Variants in TLN2 observed in about 807,000 individuals in gnomAD.
TLN2 encodes the protein talin 2, also known as talin-2.
TLN2 carries 118 observed loss-of-function variants against 294.7 expected under a neutral mutation model. That is an observed-to-expected ratio of 0.40 (90% CI 0.34 to 0.47). The LOEUF is 0.47. Ranked by LOEUF, TLN2 falls within the 20% of genes least tolerant of loss-of-function variation. The pLI is 0.84. For synonymous variants in TLN2, 1,431 were observed against 1,304.5 expected, an observed-to-expected ratio of 1.10 and a Z score of -2.09; for missense variants, 3,083 against 3,282.2, an observed-to-expected ratio of 0.94 and a Z score of 1.48.
chr15:62,647,122 T>A (rs1386608028), intron 3 of TLN2, among the ~76,000 whole-genome samples, 153 bp from the exon 4 acceptor site: 1 of 152,224 alleles, frequency 6.6e-6, no homozygotes, highest in Non-Finnish European at 1.5e-5. Context: ...ATTTGTAAAA[T>A]TTGTTTTGTA....
At chr15:62,515,492 A>G (rs1417995321) in intron 1 of TLN2, among the ~76,000 whole-genome samples, 1 of 152,232 alleles carries the variant, frequency 6.6e-6, no homozygotes, top group Non-Finnish European at 1.5e-5. Context: ...TTTCTTTGAA[A>G]TATAACTATA....
chr15:62,461,886 G>A (rs1250404307), intron 1 of TLN2, among the ~76,000 whole-genome samples: 6 of 152,192 alleles, frequency 3.9e-5, no homozygotes, highest in Non-Finnish European at 8.8e-5. Flanking sequence ...GGAAGTCATG[G>A]CCTGGGACAT....
chr15:62,661,151 T>A (rs911717177), intron 9 of TLN2, among the ~76,000 whole-genome samples: 9 of 152,202 alleles, frequency 5.9e-5, no homozygotes, highest in Non-Finnish European at 1.3e-4. Flanking sequence ...TAAGAAGTGG[T>A]CAGAGTAAAA....
intron 21 of TLN2, among the ~76,000 whole-genome samples, 174 bp downstream of exon 21, chr15:62,708,970 A>G (rs2059249282): frequency 6.6e-6 from 1 of 152,248 alleles, no homozygotes; most frequent in Non-Finnish European, 1.5e-5. Flanking sequence ...TTCCATAGTC[A>G]TGCTTACAGA....
At chr15:62,463,214 A>G (rs1243111617) in intron 1 of TLN2, among the ~76,000 whole-genome samples, 1 of 152,184 alleles carries the variant, frequency 6.6e-6, no homozygotes, top group African/African-American at 2.4e-5. Context: ...CTTACAGAGC[A>G]AGGCTACAGC....
chr15:62,663,202 A>AT (rs751662626), intron 9 of TLN2, among the ~76,000 whole-genome samples: 2 of 151,972 alleles, frequency 1.3e-5, no homozygotes, highest in African/African-American at 4.8e-5. Flanking sequence ...ACCATGTGCG[A>AT]TTTTTTTTAA....
chr15:62,676,600 A>T (rs2056221419), intron 11 of TLN2, among the ~76,000 whole-genome samples: 1 of 152,154 alleles, frequency 6.6e-6, no homozygotes, highest in African/African-American at 2.4e-5. Flanking sequence ...ACCCAAGGGT[A>T]AAACTACTAC....
rs1330937841 is a variant in TLN2, at chr15:62,840,955, C to T, written c.*345C>T. ...GCTTTTGTTGGTCCTTCTCTTAGGC[C>T]TGCTCCTGGACCTCTTTATGATATT... On this transcript the variant is annotated 3_prime_UTR_variant, in exon 59 of 59. Coordinates refer to ENST00000636159, the MANE Select transcript of TLN2 (RefSeq NM_015059.3). 1 of 194,150 alleles carries T rather than the reference C, an allele frequency of 5.2e-6. No individual in the cohort carries two copies. The highest frequency in any genetic ancestry group is 1.0e-5 in the Non-Finnish European group (1 of 95,928). The allele number at this position is 194,150 out of a possible 1,614,324, so 12.0% of individuals were successfully genotyped here.
intron 58 of TLN2, among the ~76,000 whole-genome samples, chr15:62,839,685 T>C (rs1222060517): frequency 1.3e-5 from 2 of 152,222 alleles, no homozygotes; most frequent in East Asian, 3.8e-4. Context: ...AGCACTGAAG[T>C]TATTCATTCC....
intron 18 of TLN2, 79 bp from the exon 19 acceptor site, chr15:62,702,687 T>C: frequency 7.1e-7 from 1 of 1,410,862 alleles, no homozygotes; most frequent in Non-Finnish European, 1.0e-6. Flanking sequence ...TGTGAGATTC[T>C]ACTTCCTGTA....
At chr15:62,527,074 G>A (rs1332437344) in intron 1 of TLN2, among the ~76,000 whole-genome samples, 2 of 152,196 alleles carry the variant, frequency 1.3e-5, no homozygotes, top group Non-Finnish European at 2.9e-5. Context: ...GCTTGGGAAG[G>A]CCTCCAAGGG....
chr15:62,775,904 G>A (rs751025044), intron 42 of TLN2, among the ~76,000 whole-genome samples: 5 of 152,204 alleles, frequency 3.3e-5, no homozygotes, highest in South Asian at 2.1e-4. Context: ...ATGGCAAGGC[G>A]CCTGCAGCCA....
intron 1 of TLN2, among the ~76,000 whole-genome samples, chr15:62,555,161 A>G (rs2042540102): frequency 6.6e-6 from 1 of 152,208 alleles, no homozygotes; most frequent in Admixed American, 6.5e-5. Context: ...TTTCCTGCAG[A>G]ACATCTATGG....
chr15:62,800,264 C>T, intron 48 of TLN2, 104 bp from the exon 49 acceptor site: 4 of 1,509,094 alleles, frequency 2.7e-6, no homozygotes, highest in Non-Finnish European at 3.5e-6. Context: ...GACTGTCTTT[C>T]TCTCCTCCCC....
chr15:62,606,723 C>A (rs78658518), intron 2 of TLN2, among the ~76,000 whole-genome samples: 145 of 152,228 alleles, frequency 9.5e-4, no homozygotes, highest in African/African-American at 3.3e-3. Flanking sequence ...AATAGAAGGC[C>A]ATTGATTTTG....
chr15:62,491,818 C>T (rs2038742461), intron 1 of TLN2, among the ~76,000 whole-genome samples: 1 of 152,140 alleles, frequency 6.6e-6, no homozygotes, highest in Admixed American at 6.5e-5. Flanking sequence ...AATCTCACTG[C>T]TTGCTTCCTG....
intron 1 of TLN2, among the ~76,000 whole-genome samples, chr15:62,462,191 G>A (rs1159383513): frequency 1.3e-5 from 2 of 152,180 alleles, no homozygotes; most frequent in East Asian, 1.9e-4. Context: ...CCGAGATTGC[G>A]GCACTGCGCT....
chr15:62,801,936 C>T (rs527902386), intron 50 of TLN2, among the ~76,000 whole-genome samples: 209 of 152,328 alleles, frequency 1.4e-3, no homozygotes, highest in Admixed American at 2.4e-3. Context: ...TCCATCATCT[C>T]AAGCATTTAT....
chr15:62,657,835 G>T lies in TLN2; in HGVS notation c.725G>T (p.Gly242Val), dbSNP rs757148262. 12 of 1,613,992 alleles carry T rather than the reference G, an allele frequency of 7.4e-6. No homozygotes were observed. The South Asian group carries it at 1.2e-4, about 16-fold the overall frequency. ...TTCGAGAAAGCTTGTGAGTTTGGTGGATTTCAAGCCCAGATACAATTTGGA... is the reference window on the plus strand; with the variant it reads ...TTCGAGAAAGCTTGTGAGTTTGGTGTATTTCAAGCCCAGATACAATTTGGA... ...VSFEKACEFG[G>V]FQAQIQFGPH... The change falls in exon 9 of 59, where the codon GGA becomes GTA. Residue 242 changes from glycine to valine, a missense_variant. Gly to Val is a moderately radical substitution (Grantham distance 109). Transcript: ENST00000636159.
Sources: allele counts gnomAD v4.1 joint callset (sites outside exome capture counted in the v4.1 genomes callset), GRCh38; gene constraint gnomAD v4.1.1; transcripts MANE v1.5; gene names NCBI Gene and HGNC (gene_info 2026-07-23, HGNC 2026-07-21).